PKHD1: variants seen among roughly 807,000 people sequenced by gnomAD.
The protein encoded by PKHD1 is PKHD1 ciliary IPT domain containing fibrocystin/polyductin, also known as fibrocystin.
Under a neutral mutation model 412.0 loss-of-function variants are expected in PKHD1, and 291 were observed. That is an observed-to-expected ratio of 0.71 (90% CI 0.64 to 0.78). The LOEUF is 0.78. Ranked by LOEUF, PKHD1 falls within the 30% of genes least tolerant of loss-of-function variation. PKHD1 has a pLI of 0.00. For missense variants in PKHD1, 4,825 were observed against 4,950.7 expected (o/e 0.97, Z 0.76); for synonymous variants, 1,777 against 1,821.5 (o/e 0.98, Z 0.62).
At chr6:52,056,441 G>C (rs1807746477) in intron 18 of PKHD1, among the ~76,000 whole-genome samples, 1 of 151,972 alleles carries the variant, frequency 6.6e-6, no homozygotes, top group Non-Finnish European at 1.5e-5. Flanking sequence ...GTGTGGCATG[G>C]GGAGTATAGG....
At chr6:51,662,647 C>T (rs1000029384) in intron 60 of PKHD1, among the ~76,000 whole-genome samples, 12 of 151,408 alleles carry the variant, frequency 7.9e-5, no homozygotes, top group East Asian at 1.9e-4. Flanking sequence ...ATAGAGAAAG[C>T]GATTCTTGGA....
At chr6:51,709,833 C>T (rs1780436855) in intron 60 of PKHD1, among the ~76,000 whole-genome samples, 1 of 146,732 alleles carries the variant, frequency 6.8e-6, no homozygotes, top group Admixed American at 7.0e-5. Flanking sequence ...GTGTACCTGA[C>T]ATCTATGCTT....
At chr6:51,887,501 G>A (rs1778408673) in intron 43 of PKHD1, among the ~76,000 whole-genome samples, 1 of 152,138 alleles carries the variant, frequency 6.6e-6, no homozygotes, top group Non-Finnish European at 1.5e-5. Flanking sequence ...CCTGGTGGGA[G>A]GTGACTGGAT....
At position 51,939,333 on chromosome 6, in the gene PKHD1, G is replaced by A. The variant is rs571870768; in HGVS notation, c.5909-5011C>T. 9.9e-5 allele frequency among the ~76,000 whole-genome samples: 15 copies of A among 150,958 alleles called. 2 individuals are homozygous for A. Among genetic ancestry groups the A allele is most frequent in the Non-Finnish European group, 1.9e-4 (13 of 67,516 alleles). On this transcript the variant is annotated intron_variant, in intron 36 of 66. Coordinates refer to ENST00000371117, the MANE Select transcript of PKHD1 (RefSeq NM_138694.4). ...TACCCCTTCTCCGCTTTTCTAGGGG[G>A]CAAGAACCCGCTGACCCCTTCTCTC...
chr6:51,939,212 G>T (rs1291497258), intron 36 of PKHD1, among the ~76,000 whole-genome samples: 1 of 150,814 alleles, frequency 6.6e-6, no homozygotes, highest in Non-Finnish European at 1.5e-5. Context: ...TTTTCTGGGG[G>T]GCAAGAACCC....
intron 52 of PKHD1, among the ~76,000 whole-genome samples, chr6:51,826,836 C>A (rs1767402840): frequency 6.6e-6 from 1 of 151,936 alleles, no homozygotes; most frequent in Non-Finnish European, 1.5e-5. Flanking sequence ...ATAGTGATGT[C>A]TTTTATTAGT....
In PKHD1 at chr6:51,753,735, T is replaced by C. The variant is rs962675785; in HGVS notation, c.8798-382A>G. Among the ~76,000 whole-genome samples, 9 of 152,258 alleles carry C rather than the reference T, an allele frequency of 5.9e-5. No individual in the cohort carries two copies. The South Asian group carries it at 1.0e-3, about 18-fold the overall frequency. ...GTTGTACATTGTCCGTGGACCTCTT[T>C]CATGAGAGTGAGGAGTCCCACATCA... On this transcript the variant is annotated intron_variant, in intron 56 of 66. Transcript: ENST00000371117.
chr6:52,061,151 GT>G (rs1352773658), intron 14 of PKHD1, among the ~76,000 whole-genome samples: 2 of 152,092 alleles, frequency 1.3e-5, no homozygotes, highest in Non-Finnish European at 2.9e-5. Context: ...GAATTATTAG[GT>G]GCTACAATGG....
chr6:51,865,814 G>A (rs1774978178), intron 48 of PKHD1, among the ~76,000 whole-genome samples: 1 of 152,184 alleles, frequency 6.6e-6, no homozygotes, highest in African/African-American at 2.4e-5. Flanking sequence ...TTGCATCTAT[G>A]CTGAATTCAA....
At chr6:52,035,460 A>G in intron 28 of PKHD1, 131 bp downstream of exon 28, 1 of 924,336 alleles carries the variant, frequency 1.1e-6, no homozygotes, top group South Asian at 1.3e-5. Context: ...CAATATAACT[A>G]CTACAAGCAT....
chr6:52,066,807 G>A (rs1809785625), intron 11 of PKHD1, among the ~76,000 whole-genome samples: 1 of 152,142 alleles, frequency 6.6e-6, no homozygotes, highest in African/African-American at 2.4e-5. Context: ...GGCTGAGACA[G>A]GAGAATTGCT....
chr6:51,721,410 CAAT>C (rs770243729), intron 60 of PKHD1: 130 of 512,954 alleles, frequency 2.5e-4, no homozygotes, highest in Non-Finnish European at 3.0e-4. Context: ...ATTAATATGC[CAAT>C]AATAATAATA....
In PKHD1 at chr6:52,058,438, C is replaced by T. The variant is rs750730042; in HGVS notation, c.1397G>A (p.Gly466Glu). Residue 466 changes from glycine to glutamate, a missense_variant, in exon 16 of 67, where the codon GGG becomes GAG. By Grantham distance (98) the Gly-to-Glu change is moderately conservative. Coordinates refer to ENST00000371117, the MANE Select transcript of PKHD1 (RefSeq NM_138694.4). ...AEHHGIAPSRGMRIGVQIHNT... is the reference protein window; with the variant it reads ...AEHHGIAPSREMRIGVQIHNT... ...GTGAATCTGGACACCAATCCTCATC[C>T]CCCTGCTTGGGGCTATCCCATGATG... 6.2e-6 allele frequency: 10 copies of T among 1,614,164 alleles called. No homozygotes were observed. The highest frequency in any genetic ancestry group is 8.5e-6 in the Non-Finnish European group (10 of 1,180,018).
At chr6:51,649,031 AATGCTAC>A in intron 62 of PKHD1, 47 bp downstream of exon 62, 1 of 1,548,490 alleles carries the variant, frequency 6.5e-7, no homozygotes, top group Non-Finnish European at 8.9e-7. Flanking sequence ...AGATAGGCTG[AATGCTAC>A]ATGCTACTTA....
At chr6:51,737,861 C>A (rs1002432105) in intron 60 of PKHD1, among the ~76,000 whole-genome samples, 1 of 151,974 alleles carries the variant, frequency 6.6e-6, no homozygotes, top group Admixed American at 6.6e-5. Flanking sequence ...GTTTTAGTAG[C>A]TAGTGTCCTG....
intron 60 of PKHD1, among the ~76,000 whole-genome samples, chr6:51,696,082 A>G (rs1356177269): frequency 1.3e-5 from 2 of 152,238 alleles, no homozygotes; most frequent in African/African-American, 4.8e-5. Flanking sequence ...CTAAGAAGCT[A>G]GCACTCAGTT....
At chr6:51,685,172 C>A (rs1215658434) in intron 60 of PKHD1, among the ~76,000 whole-genome samples, 1 of 152,072 alleles carries the variant, frequency 6.6e-6, no homozygotes, top group East Asian at 1.9e-4. Flanking sequence ...CTGGCCAATT[C>A]TTTGAGGCCA....
intron 60 of PKHD1, among the ~76,000 whole-genome samples, chr6:51,728,262 G>T (rs181775617): frequency 6.6e-6 from 1 of 152,212 alleles, no homozygotes; most frequent in East Asian, 1.9e-4. Context: ...AACCTGGCAG[G>T]GTCTACGATG....
chr6:51,716,810 C>T (rs1781320691), intron 60 of PKHD1, among the ~76,000 whole-genome samples: 1 of 152,004 alleles, frequency 6.6e-6, no homozygotes, highest in Non-Finnish European at 1.5e-5. Flanking sequence ...TTTACTGAGG[C>T]AGTACCATCA....
Sources: gnomAD v4.1 joint callset for allele counts (sites outside exome capture counted in the v4.1 genomes callset) on GRCh38, gnomAD v4.1.1 for gene constraint, MANE v1.5 for transcripts, NCBI Gene and HGNC (gene_info 2026-07-23, HGNC 2026-07-21) for gene names.